The following RGS7 variants were observed in gnomAD, a reference collection of about 807,000 sequenced individuals.
The protein encoded by RGS7 is regulator of G protein signaling 7.
In RGS7, 27 loss-of-function variants were observed where a neutral mutation model predicts 81.1. The observed-to-expected ratio is 0.33, with a 90% CI of 0.25 to 0.46. The LOEUF (loss-of-function observed/expected upper bound fraction) is 0.46. Among genes scored for constraint, RGS7 ranks in the 20% least tolerant of loss-of-function variants. RGS7 has a pLI of 1.00. For synonymous variants in RGS7, 208 were observed against 207.7 expected (o/e 1.00, Z -0.01); for missense variants, 396 against 607.4 (o/e 0.65, Z 3.66).
intron 2 of RGS7, among the ~76,000 whole-genome samples, chr1:241,111,794 C>T (rs1305298685): frequency 6.6e-6 from 1 of 152,136 alleles, no homozygotes; most frequent in Non-Finnish European, 1.5e-5. Flanking sequence ...CACTGCAAAC[C>T]AGGAAATAAG....
chr1:241,076,136 G>A (rs980391746), intron 3 of RGS7, among the ~76,000 whole-genome samples: 5 of 152,136 alleles, frequency 3.3e-5, no homozygotes, highest in Non-Finnish European at 5.9e-5. Flanking sequence ...GAGCATGAGA[G>A]TGAGCTGTAC....
chr1:241,355,229 C>T (rs939955883), intron 2 of RGS7, among the ~76,000 whole-genome samples: 4 of 152,142 alleles, frequency 2.6e-5, no homozygotes, highest in African/African-American at 7.2e-5. Context: ...TAGTCAAGAA[C>T]GAAATTAGTA....
chr1:241,231,802 T>G (rs1428301515), intron 2 of RGS7, among the ~76,000 whole-genome samples: 1 of 152,276 alleles, frequency 6.6e-6, no homozygotes. Context: ...AACAGTATCT[T>G]TTGAAAAGCA....
intron 3 of RGS7, among the ~76,000 whole-genome samples, chr1:241,009,258 C>G (rs1478398850): frequency 6.6e-6 from 1 of 152,140 alleles, no homozygotes; most frequent in Non-Finnish European, 1.5e-5. Flanking sequence ...ATAAACCAGC[C>G]TTGTATGGAA....
At chr1:240,797,565 T>G (rs1687285092) in intron 18 of RGS7, among the ~76,000 whole-genome samples, 1 of 152,178 alleles carries the variant, frequency 6.6e-6, no homozygotes, top group African/African-American at 2.4e-5. Flanking sequence ...TTGGCCAGGC[T>G]GGTCTTGAAC....
chr1:240,965,532 G>A (rs373365395), intron 4 of RGS7, among the ~76,000 whole-genome samples: 1 of 152,178 alleles, frequency 6.6e-6, no homozygotes, highest in African/African-American at 2.4e-5. Flanking sequence ...TAAAGCAGAC[G>A]AATATTTGAC....
intron 2 of RGS7, among the ~76,000 whole-genome samples, chr1:241,335,356 C>T (rs900236335): frequency 1.3e-5 from 2 of 152,136 alleles, no homozygotes; most frequent in African/African-American, 4.8e-5. Flanking sequence ...GTACTTTCCA[C>T]TCTGTGGGCA....
At chr1:240,829,457 T>A (rs1693426776) in intron 9 of RGS7, among the ~76,000 whole-genome samples, 2 of 152,234 alleles carry the variant, frequency 1.3e-5, no homozygotes, top group Non-Finnish European at 2.9e-5. Context: ...GATTTTAATC[T>A]GCAGCCGGAG....
chr1:241,263,596 A>T (rs1267955895), intron 2 of RGS7, among the ~76,000 whole-genome samples: 1 of 152,208 alleles, frequency 6.6e-6, no homozygotes, highest in Non-Finnish European at 1.5e-5. Context: ...TATGCAAAGT[A>T]CTAAGGTTAT....
intron 6 of RGS7, among the ~76,000 whole-genome samples, chr1:240,887,832 C>G (rs1251325694): frequency 6.6e-6 from 1 of 151,882 alleles, no homozygotes; most frequent in Admixed American, 6.6e-5. Context: ...ATTATTAATT[C>G]TTTCTGTTCC....
chr1:241,003,196 T>C (rs1351412808), intron 3 of RGS7, among the ~76,000 whole-genome samples: 1 of 151,846 alleles, frequency 6.6e-6, no homozygotes, highest in Non-Finnish European at 1.5e-5. Context: ...GCGCAGTGGC[T>C]CACGCCTGTA....
chr1:240,972,086 A>C (rs1683288957), intron 4 of RGS7, among the ~76,000 whole-genome samples: 1 of 152,184 alleles, frequency 6.6e-6, no homozygotes, highest in Non-Finnish European at 1.5e-5. Context: ...GCAACAGGTA[A>C]ATATAACATC....
chr1:241,198,781 G>A (rs1324150837), intron 2 of RGS7, among the ~76,000 whole-genome samples: 3 of 152,060 alleles, frequency 2.0e-5, no homozygotes, highest in Non-Finnish European at 2.9e-5. Flanking sequence ...CCAATCTTAC[G>A]TTAAGTTCTT....
intron 6 of RGS7, among the ~76,000 whole-genome samples, chr1:240,897,077 TG>T (rs1669213337): frequency 6.6e-6 from 1 of 152,200 alleles, no homozygotes; most frequent in Non-Finnish European, 1.5e-5. Flanking sequence ...ATGATTTGGC[TG>T]TTTGTCTGTT....
chr1:241,224,086 T>C (rs1412240169), intron 2 of RGS7, among the ~76,000 whole-genome samples: 2 of 151,374 alleles, frequency 1.3e-5, no homozygotes, highest in Non-Finnish European at 2.9e-5. Context: ...ATACCATATA[T>C]ATATTTCTTT....
intron 3 of RGS7, among the ~76,000 whole-genome samples, chr1:241,016,313 A>T (rs1386943388): frequency 1.8e-4 from 28 of 152,098 alleles, no homozygotes; most frequent in Admixed American, 1.8e-3. Context: ...AGGTCAAGAG[A>T]ACAAGACCAT....
At chr1:241,183,818 G>C (rs2071849453) in intron 2 of RGS7, among the ~76,000 whole-genome samples, 1 of 152,178 alleles carries the variant, frequency 6.6e-6, no homozygotes. Flanking sequence ...TAAGGAGAGA[G>C]GGGTATTCCC....
intron 14 of RGS7, among the ~76,000 whole-genome samples, chr1:240,808,035 CAA>C (rs34236519): frequency 2.7e-4 from 18 of 66,562 alleles, no homozygotes; most frequent in Middle Eastern, 9.3e-3. Context: ...AACTTCATCT[CAA>C]AAAAAAAAAA....
intron 6 of RGS7, among the ~76,000 whole-genome samples, chr1:240,881,459 C>T (rs1666374187): frequency 2.0e-5 from 3 of 152,080 alleles, no homozygotes; most frequent in Non-Finnish European, 1.5e-5. Flanking sequence ...TGAAACAAAC[C>T]TGCACGTTGT....
Sources: gnomAD v4.1 joint callset for allele counts (sites outside exome capture counted in the v4.1 genomes callset) on GRCh38, gnomAD v4.1.1 for gene constraint, MANE v1.5 for transcripts, NCBI Gene and HGNC (gene_info 2026-07-23, HGNC 2026-07-21) for gene names.